Variants in NEURL1 observed in about 807,000 individuals in gnomAD.
The protein encoded by NEURL1 is E3 ubiquitin-protein ligase NEURL1.
Under a neutral mutation model 41.2 loss-of-function variants are expected in NEURL1, and 26 were observed. The observed-to-expected ratio is 0.63, with a 90% CI of 0.46 to 0.87. The LOEUF (loss-of-function observed/expected upper bound fraction) is 0.87. Ranked by LOEUF, NEURL1 falls within the 40% of genes least tolerant of loss-of-function variation. The probability of loss-of-function intolerance (pLI) is 0.00; values close to 1 mark genes in which losing one functional copy is unlikely to be tolerated. For missense variants in NEURL1, 761 were observed against 871.1 expected, an observed-to-expected ratio of 0.87 and a Z score of 1.59; for synonymous variants, 400 against 402.3, an observed-to-expected ratio of 0.99 and a Z score of 0.07.
chr10:103,494,499 G>GA (rs1260459977), intron 1 of NEURL1, 27 bp downstream of exon 1: 1 of 1,521,112 alleles, frequency 6.6e-7, no homozygotes, highest in African/African-American at 1.4e-5. Flanking sequence ...AGCGCTGCTG[G>GA]AGGACTGGGG....
intron 1 of NEURL1, among the ~76,000 whole-genome samples, chr10:103,560,613 T>C (rs1021847803): frequency 6.6e-5 from 10 of 152,188 alleles, no homozygotes; most frequent in African/African-American, 2.4e-4. Flanking sequence ...CCAGGAACTC[T>C]GTGGGAGGTG....
At chr10:103,526,936 T>TC (rs2034472224) in intron 1 of NEURL1, among the ~76,000 whole-genome samples, 1 of 152,022 alleles carries the variant, frequency 6.6e-6, no homozygotes, top group African/African-American at 2.4e-5. Flanking sequence ...ATCTTTTTTT[T>TC]TTTTTAAGTA....
At chr10:103,505,009 T>A (rs1213505447) in intron 1 of NEURL1, among the ~76,000 whole-genome samples, 1 of 151,726 alleles carries the variant, frequency 6.6e-6, no homozygotes, top group Non-Finnish European at 1.5e-5. Flanking sequence ...CCGCTCCAAA[T>A]GCCAATGTGC....
At chr10:103,564,088 TG>T (rs1013101431) in intron 1 of NEURL1, among the ~76,000 whole-genome samples, 1 of 152,020 alleles carries the variant, frequency 6.6e-6, no homozygotes, top group African/African-American at 2.4e-5. Flanking sequence ...CAGAGCTTGG[TG>T]GGGGCCATGG....
chr10:103,576,449 A>G (rs958541703), intron 3 of NEURL1, among the ~76,000 whole-genome samples: 2 of 152,120 alleles, frequency 1.3e-5, no homozygotes, highest in African/African-American at 2.4e-5. Flanking sequence ...GGGTATGTGT[A>G]TGCATCACAG....
At chr10:103,507,642 G>A (rs535214340) in intron 1 of NEURL1, among the ~76,000 whole-genome samples, 11 of 152,134 alleles carry the variant, frequency 7.2e-5, no homozygotes, top group Non-Finnish European at 1.3e-4. Flanking sequence ...TGCTCCTGCC[G>A]TGGGTGTGAG....
chr10:103,554,037 T>C (rs577474798), intron 1 of NEURL1, among the ~76,000 whole-genome samples: 114 of 152,360 alleles, frequency 7.5e-4, no homozygotes, highest in Admixed American at 1.3e-3. Context: ...CACTTTCTTC[T>C]CTGTAAAACA....
intron 1 of NEURL1, among the ~76,000 whole-genome samples, chr10:103,550,294 A>C (rs1426228346): frequency 6.6e-6 from 1 of 152,140 alleles, no homozygotes; most frequent in East Asian, 1.9e-4. Flanking sequence ...ATGGCAGGGA[A>C]AAGAGGGACA....
At chr10:103,582,921 A>G (rs2133883788) in intron 3 of NEURL1, among the ~76,000 whole-genome samples, 1 of 152,350 alleles carries the variant, frequency 6.6e-6, no homozygotes, top group Admixed American at 6.5e-5. Context: ...TAGGAGTTGG[A>G]CAGACCTTTT....
intron 1 of NEURL1, among the ~76,000 whole-genome samples, chr10:103,534,490 A>G (rs1026909799): frequency 1.3e-5 from 2 of 151,830 alleles, no homozygotes; most frequent in South Asian, 2.1e-4. Flanking sequence ...GATAGGTGCA[A>G]TGGTATAGTC....
intron 1 of NEURL1, among the ~76,000 whole-genome samples, chr10:103,503,416 C>T (rs966458304): frequency 6.6e-6 from 1 of 152,054 alleles, no homozygotes; most frequent in Admixed American, 6.6e-5. Flanking sequence ...AGGTGGGAGG[C>T]CTTGGCTTTT....
chr10:103,494,275 A>T lies in NEURL1; in HGVS notation c.-113A>T. The T allele has an allele frequency of 1.3e-6, 1 of 762,374 alleles. No homozygotes were observed. The highest frequency in any genetic ancestry group is 2.0e-6 in the Non-Finnish European group (1 of 493,580). 47.2% of individuals were successfully genotyped at this position (762,374 alleles called of 1,614,324 possible). A position where few individuals can be genotyped will look rare whatever the true frequency, so the allele number is the denominator to read the frequency against. On this transcript the variant is annotated 5_prime_UTR_variant, in exon 1 of 6. Transcript: ENST00000369780. ...GCCCGCCCCCGGCTGCAGCCCCAGCAGGGCCCTCCCCCGGTGGCGCGCACC... is the reference window on the plus strand; with the variant it reads ...GCCCGCCCCCGGCTGCAGCCCCAGCTGGGCCCTCCCCCGGTGGCGCGCACC...
At chr10:103,518,403 T>C (rs908857095) in intron 1 of NEURL1, among the ~76,000 whole-genome samples, 1 of 152,144 alleles carries the variant, frequency 6.6e-6, no homozygotes, top group African/African-American at 2.4e-5. Flanking sequence ...CAGTATTTAG[T>C]CAATGCCTAC....
chr10:103,523,760 C>T (rs2034404920), intron 1 of NEURL1, among the ~76,000 whole-genome samples: 1 of 152,154 alleles, frequency 6.6e-6, no homozygotes, highest in African/African-American at 2.4e-5. Flanking sequence ...TTCATATTGC[C>T]ATGAATGACA....
chr10:103,526,878 T>C (rs2034470171), intron 1 of NEURL1, among the ~76,000 whole-genome samples: 1 of 152,054 alleles, frequency 6.6e-6, no homozygotes, highest in African/African-American at 2.4e-5. Context: ...TGTTTGTGTA[T>C]AGTTGTTTGT....
At position 103,571,563 on chromosome 10, in the gene NEURL1, G is replaced by A. The variant is rs138419727; in HGVS notation, c.390G>A (p.Pro130=). Residue 130 remains proline (P), a synonymous_variant, in exon 3 of 6, where the codon CCG becomes CCA. Coordinates refer to ENST00000369780, the MANE Select transcript of NEURL1 (RefSeq NM_004210.5). ...ALRLGFTSKD[P]SRIHPDSLPK... ...GGCTGGGCTTCACCAGCAAGGACCC[G>A]TCCCGCATCCACCCTGACTCGCTGC... 2.9e-5 allele frequency: 46 copies of A among 1,612,848 alleles called. No individual in the cohort carries two copies. Among genetic ancestry groups the A allele is most frequent in the African/African-American group, 2.0e-4 (15 of 74,930 alleles).
intron 1 of NEURL1, among the ~76,000 whole-genome samples, chr10:103,503,372 G>T (rs2033869388): frequency 6.6e-6 from 1 of 152,202 alleles, no homozygotes; most frequent in African/African-American, 2.4e-5. Flanking sequence ...GCTAAGAGAA[G>T]AGGAGGAGGA....
intron 1 of NEURL1, among the ~76,000 whole-genome samples, chr10:103,567,588 G>A (rs1052212540): frequency 4.6e-5 from 7 of 151,920 alleles, no homozygotes; most frequent in African/African-American, 1.5e-4. Context: ...GTAGAGATGA[G>A]GTCTTGCTTT....
At chr10:103,542,353 G>A (rs931547455) in intron 1 of NEURL1, among the ~76,000 whole-genome samples, 3 of 152,148 alleles carry the variant, frequency 2.0e-5, no homozygotes, top group East Asian at 3.9e-4. Flanking sequence ...TTGACCTCCT[G>A]AGCTAAAGCG....
Sources: gnomAD v4.1 joint callset for allele counts (sites outside exome capture counted in the v4.1 genomes callset) on GRCh38, gnomAD v4.1.1 for gene constraint, MANE v1.5 for transcripts, NCBI Gene and HGNC (gene_info 2026-07-23, HGNC 2026-07-21) for gene names.